The following MIS18A variants were observed in gnomAD, a reference collection of about 807,000 sequenced individuals.
MIS18A encodes the protein MIS18 kinetochore protein A, also known as protein Mis18-alpha.
MIS18A carries 14 observed loss-of-function variants against 25.0 expected under a neutral mutation model. The observed-to-expected ratio is 0.56, with a 90% CI of 0.37 to 0.88. The LOEUF is 0.88. MIS18A is among the 40% of genes least tolerant of loss of function. The pLI is 0.00. For missense variants in MIS18A, 292 were observed against 290.8 expected (o/e 1.00, Z -0.03); for synonymous variants, 134 against 118.6 (o/e 1.13, Z -0.84).
chr21:32,161,780 C>T, the MIS18A span, among the ~76,000 whole-genome samples: 3 of 150,976 alleles, frequency 2.0e-5, no homozygotes, highest in Non-Finnish European at 2.9e-5. Context: ...GCATGAGCCA[C>T]TGCACCTGGC....
the MIS18A span, among the ~76,000 whole-genome samples, chr21:32,235,690 G>A: frequency 2.8e-4 from 43 of 152,316 alleles, 1 homozygote; most frequent in Admixed American, 2.6e-3. Flanking sequence ...AGGCCAAGGC[G>A]AGTGTATAGC....
At chr21:32,273,905 A>G (rs1419511458) in intron 2 of MIS18A, among the ~76,000 whole-genome samples, 5 of 152,226 alleles carry the variant, frequency 3.3e-5, no homozygotes, top group Non-Finnish European at 7.3e-5. Context: ...CAACAATTAT[A>G]TAGGGCAGCG....
intron 2 of MIS18A, among the ~76,000 whole-genome samples, chr21:32,271,213 A>G (rs2031708647): frequency 6.6e-6 from 1 of 152,186 alleles, no homozygotes; most frequent in Non-Finnish European, 1.5e-5. Flanking sequence ...ATCCAAATTT[A>G]CCATTCTATA....
chr21:32,198,857 T>A, the MIS18A span, among the ~76,000 whole-genome samples: 3 of 151,026 alleles, frequency 2.0e-5, no homozygotes, highest in Non-Finnish European at 4.4e-5. Flanking sequence ...TTTTAACCAG[T>A]GGACCCCATG....
the MIS18A span, among the ~76,000 whole-genome samples, chr21:32,213,301 C>T: frequency 6.6e-5 from 10 of 152,178 alleles, no homozygotes; most frequent in Admixed American, 4.6e-4. Flanking sequence ...AATGACAACA[C>T]ATAGATAGAC....
chr21:32,265,481 G>A (rs902564690), downstream of MIS18A, among the ~76,000 whole-genome samples: 2 of 152,244 alleles, frequency 1.3e-5, no homozygotes, highest in Non-Finnish European at 2.9e-5. Context: ...CTGGGCCAGT[G>A]GCTGCGGAGG....
the MIS18A span, among the ~76,000 whole-genome samples, chr21:32,159,806 T>C: frequency 6.6e-6 from 1 of 152,240 alleles, no homozygotes; most frequent in Non-Finnish European, 1.5e-5. Flanking sequence ...GTTGAGGTTA[T>C]CTGAAGACCT....
chr21:32,191,238 A>G, the MIS18A span, among the ~76,000 whole-genome samples: 27,727 of 152,226 alleles, frequency 0.18, 4,595 homozygotes, highest in African/African-American at 0.45. Context: ...TCTCTATGAA[A>G]GCACAGAAAT....
At chr21:32,219,860 G>C in the MIS18A span, among the ~76,000 whole-genome samples, 7 of 152,174 alleles carry the variant, frequency 4.6e-5, no homozygotes, top group African/African-American at 1.2e-4. Flanking sequence ...AAGCCTTAGG[G>C]AAGTTCGAAC....
chr21:32,188,003 G>GTCTC, the MIS18A span, among the ~76,000 whole-genome samples: 104 of 150,022 alleles, frequency 6.9e-4, no homozygotes, highest in African/African-American at 2.2e-3. Flanking sequence ...CTCCCTTTCT[G>GTCTC]TCTCTCTCTC....
the MIS18A span, among the ~76,000 whole-genome samples, chr21:32,175,869 CT>C: frequency 6.7e-6 from 1 of 150,144 alleles, no homozygotes; most frequent in African/African-American, 2.5e-5. Context: ...AATTTTTTTT[CT>C]TTATATTCTT....
At chr21:32,187,656 T>G in the MIS18A span, among the ~76,000 whole-genome samples, 1 of 152,152 alleles carries the variant, frequency 6.6e-6, no homozygotes, top group African/African-American at 2.4e-5. Flanking sequence ...AGGTGAGCCC[T>G]CGCATAATAA....
chr21:32,277,504 G>C (rs532520976), intron 1 of MIS18A, among the ~76,000 whole-genome samples: 1 of 152,154 alleles, frequency 6.6e-6, no homozygotes, highest in Non-Finnish European at 1.5e-5. Context: ...CCAGGCTGGA[G>C]TGCAGTGGCG....
At chr21:32,188,684 T>C in the MIS18A span, among the ~76,000 whole-genome samples, 5 of 151,990 alleles carry the variant, frequency 3.3e-5, no homozygotes, top group Non-Finnish European at 7.4e-5. Flanking sequence ...TGGAGAGAAA[T>C]ACATGCAGAT....
the MIS18A span, among the ~76,000 whole-genome samples, chr21:32,227,319 T>G: frequency 1.3e-5 from 2 of 150,334 alleles, no homozygotes; most frequent in Non-Finnish European, 3.0e-5. Flanking sequence ...TTCTCAAAAC[T>G]GAACAAGAAA....
the MIS18A span, among the ~76,000 whole-genome samples, chr21:32,157,525 T>C: frequency 6.6e-6 from 1 of 152,002 alleles, no homozygotes; most frequent in African/African-American, 2.4e-5. Flanking sequence ...GTAAAGTTTT[T>C]TTTTGTTATT....
the MIS18A span, among the ~76,000 whole-genome samples, chr21:32,215,661 C>T: frequency 6.6e-6 from 1 of 152,084 alleles, no homozygotes; most frequent in African/African-American, 2.4e-5. Context: ...ACAAAGATAG[C>T]CGCTGCCTTT....
the MIS18A span, among the ~76,000 whole-genome samples, chr21:32,242,819 T>A: frequency 6.6e-6 from 1 of 152,198 alleles, no homozygotes; most frequent in Non-Finnish European, 1.5e-5. Flanking sequence ...GGTGGGGCCA[T>A]GTCGAACTGG....
chr21:32,270,283 G>A (rs2031689047), intron 3 of MIS18A, 124 bp downstream of exon 3: 2 of 1,174,438 alleles, frequency 1.7e-6, no homozygotes, highest in Admixed American at 2.9e-5. Flanking sequence ...AAAATTACTG[G>A]CTTGTTAGAA....
Sources: gnomAD v4.1 joint callset for allele counts (sites outside exome capture counted in the v4.1 genomes callset) on GRCh38, gnomAD v4.1.1 for gene constraint, MANE v1.5 for transcripts, NCBI Gene and HGNC (gene_info 2026-07-23, HGNC 2026-07-21) for gene names.